The following ADGRL2 variants were observed in gnomAD, a reference collection of about 807,000 sequenced individuals.
ADGRL2 encodes the protein calcium-independent alpha-latrotoxin receptor 2.
A neutral mutation model predicts 157.4 loss-of-function variants in ADGRL2; 44 were observed. The observed-to-expected ratio is 0.28, with a 90% CI of 0.22 to 0.36. The LOEUF (loss-of-function observed/expected upper bound fraction) is 0.36. ADGRL2 is among the 10% of genes least tolerant of loss of function. The probability of loss-of-function intolerance (pLI) is 1.00; values close to 1 mark genes in which losing one functional copy is unlikely to be tolerated. For missense variants in ADGRL2, 1,510 were observed against 1,768.9 expected (o/e 0.85, Z 2.63); for synonymous variants, 585 against 624.7 (o/e 0.94, Z 0.95).
At chr1:81,862,632 A>G (rs1182608570) in intron 2 of ADGRL2, among the ~76,000 whole-genome samples, 1 of 152,244 alleles carries the variant, frequency 6.6e-6, no homozygotes, top group African/African-American at 2.4e-5. Context: ...TTAATAGAAC[A>G]TGAGTAAGCC....
intron 2 of ADGRL2, among the ~76,000 whole-genome samples, chr1:81,490,826 G>C (rs1174418956): frequency 6.6e-6 from 1 of 152,140 alleles, no homozygotes; most frequent in African/African-American, 2.4e-5. Flanking sequence ...ACATTAAAAG[G>C]CATGCACAAG....
chr1:81,715,496 C>A (rs192964767), intron 1 of ADGRL2, among the ~76,000 whole-genome samples: 104 of 152,204 alleles, frequency 6.8e-4, no homozygotes, highest in African/African-American at 2.5e-3. Flanking sequence ...AGTTGCCTTT[C>A]AACCTTTTAA....
chr1:81,318,928 C>CTTTTTTTTTTTTT (rs397980625), intron 1 of ADGRL2, among the ~76,000 whole-genome samples: 1 of 45,794 alleles, frequency 2.2e-5, no homozygotes, highest in African/African-American at 9.6e-5. Flanking sequence ...TCCATCAATT[C>CTTTTTTTTTTTTT]TTTTTTTTTT....
intron 6 of ADGRL2, among the ~76,000 whole-genome samples, chr1:81,949,378 C>G (rs1650996465): frequency 6.6e-6 from 1 of 152,120 alleles, no homozygotes; most frequent in South Asian, 2.1e-4. Flanking sequence ...GCAAAAATAA[C>G]CTTTGAAAAT....
intron 2 of ADGRL2, among the ~76,000 whole-genome samples, chr1:81,546,076 CT>C (rs1297539472): frequency 6.6e-6 from 1 of 152,060 alleles, no homozygotes; most frequent in South Asian, 2.1e-4. Flanking sequence ...GTACTGTTTC[CT>C]GCTTTAACAA....
At chr1:81,542,292 AGGCCTAACACTCGT>A (rs1197519171) in intron 2 of ADGRL2, among the ~76,000 whole-genome samples, 5 of 152,192 alleles carry the variant, frequency 3.3e-5, no homozygotes, top group Non-Finnish European at 5.9e-5. Context: ...AGGATGCCAG[AGGCCTAACACTCGT>A]GGCCATTACC....
chr1:81,675,744 G>T (rs1246741293), intron 3 of ADGRL2, among the ~76,000 whole-genome samples: 1 of 151,838 alleles, frequency 6.6e-6, no homozygotes, highest in Non-Finnish European at 1.5e-5. Flanking sequence ...ATCACACCCA[G>T]CTGATTTTTC....
At chr1:81,482,066 C>T (rs1449945813) in intron 2 of ADGRL2, among the ~76,000 whole-genome samples, 1 of 152,124 alleles carries the variant, frequency 6.6e-6, no homozygotes, top group African/African-American at 2.4e-5. Context: ...TATGTGTACC[C>T]AAGGTTAAAA....
At chr1:81,823,494 G>T (rs548434416) in intron 1 of ADGRL2, among the ~76,000 whole-genome samples, 1 of 151,552 alleles carries the variant, frequency 6.6e-6, no homozygotes, top group African/African-American at 2.4e-5. Context: ...TCTTTGTCAG[G>T]CACTATGCAT....
chr1:81,502,339 T>C, intron 2 of ADGRL2: 1 of 1,613,986 alleles, frequency 6.2e-7, no homozygotes, highest in Non-Finnish European at 8.5e-7. Flanking sequence ...AGCAGAATGG[T>C]GGTTTGGCCT....
Position 81,902,659 on chromosome 1 carries a change from G to A in ADGRL2, c.74-4358G>A, listed in dbSNP as rs549778226. Among the ~76,000 whole-genome samples the A allele has an allele frequency of 0.011, 8 of 702 alleles. No individual in the cohort carries two copies. In the East Asian group the frequency reaches 0.18, roughly 16 times the overall value. 0.5% of individuals were successfully genotyped at this position (702 alleles called of 152,430 possible). A position where few individuals can be genotyped will look rare whatever the true frequency, so the allele number is the denominator to read the frequency against. On this transcript the variant is annotated intron_variant, in intron 2 of 23. Coordinates refer to ENST00000686636, the MANE Select transcript of ADGRL2 (RefSeq NM_001366006.2). ...TCAGTCTTAAGGTCTCTGTTTTAAT[G>A]TTAAGGATAGTCAGACTGTGTCAGA... is the stretch of plus-strand genomic sequence containing the variant.
intron 1 of ADGRL2, among the ~76,000 whole-genome samples, chr1:81,727,166 C>T (rs575372330): frequency 7.2e-5 from 11 of 152,276 alleles, no homozygotes; most frequent in Non-Finnish European, 7.4e-5. Context: ...TTCTTGCCCT[C>T]ATTGAGCTTC....
intron 1 of ADGRL2, among the ~76,000 whole-genome samples, chr1:81,817,216 A>G (rs906877502): frequency 6.6e-6 from 1 of 151,888 alleles, no homozygotes; most frequent in Admixed American, 6.6e-5. Context: ...TCAAATTCCT[A>G]GTTAAAATTT....
intron 2 of ADGRL2, chr1:81,503,145 C>T (rs1483104142): frequency 1.2e-6 from 2 of 1,614,116 alleles, no homozygotes; most frequent in East Asian, 4.5e-5. Flanking sequence ...AGCAGGCCTT[C>T]CAGCGCAACT....
chr1:81,937,560 T>C (rs2095328413), intron 4 of ADGRL2, among the ~76,000 whole-genome samples: 1 of 151,848 alleles, frequency 6.6e-6, no homozygotes, highest in Non-Finnish European at 1.5e-5. Context: ...GTTTTAAAAA[T>C]CTTAGCATTT....
intron 1 of ADGRL2, among the ~76,000 whole-genome samples, chr1:81,385,330 A>G (rs140052803): frequency 6.6e-5 from 10 of 152,200 alleles, no homozygotes; most frequent in Admixed American, 5.9e-4. Flanking sequence ...AGCTGGCTGT[A>G]TTTTCCAAAG....
chr1:81,522,508 G>A (rs759280258), intron 2 of ADGRL2, among the ~76,000 whole-genome samples: 3 of 152,312 alleles, frequency 2.0e-5, no homozygotes, highest in South Asian at 2.1e-4. Flanking sequence ...GTTGGCTTAT[G>A]TGGCATCTAG....
chr1:81,361,669 T>C (rs894227909), intron 1 of ADGRL2, among the ~76,000 whole-genome samples: 6 of 151,998 alleles, frequency 3.9e-5, no homozygotes, highest in African/African-American at 9.7e-5. Flanking sequence ...GACAATCTGA[T>C]GCTTCCACTT....
In ADGRL2 at chr1:81,990,430, A is replaced by T; in HGVS notation, c.3695A>T (p.Asp1232Val). ...LNNARDTSAM[D>V]TLPLNGNFNN... ...AATGCCAGGGATACAAGTGCCATGG[A>T]TACTCTACCGCTAAATGGTAATTTT... The change falls in exon 24 of 24, where the codon GAT (aspartate) becomes GTT (valine). Residue 1232 changes from aspartate (D) to valine (V), a missense_variant. Asp to Val is a radical substitution (Grantham distance 152). This residue lies in a region of ADGRL2 where 327 missense variants were observed against 310.1 expected (regional missense o/e 1.05). Transcript: ENST00000686636. 6.2e-7 allele frequency: 1 copy of T among 1,614,042 alleles called. No homozygotes were observed. The highest frequency in any genetic ancestry group is 8.5e-7 in the Non-Finnish European group (1 of 1,179,932).
Sources: allele counts gnomAD v4.1 joint callset (sites outside exome capture counted in the v4.1 genomes callset), GRCh38; gene constraint gnomAD v4.1.1; regional missense constraint gnomAD v4.1.1; transcripts MANE v1.5; gene names NCBI Gene and HGNC (gene_info 2026-07-23, HGNC 2026-07-21).